CUX1: variants seen among roughly 807,000 people sequenced by gnomAD.
CUX1 encodes the protein cut like homeobox 1, also known as protein CASP.
In CUX1, 31 loss-of-function variants were observed where a neutral mutation model predicts 158.8. The ratio of observed to expected loss-of-function variants is 0.20; its 90% confidence interval spans 0.15 to 0.26. CUX1 has a LOEUF of 0.26. Ranked by LOEUF, CUX1 falls within the 10% of genes least tolerant of loss-of-function variation. The pLI, the probability that CUX1 is intolerant of heterozygous loss-of-function variation, is 1.00. For synonymous variants in CUX1, 879 were observed against 862.1 expected (o/e 1.02, Z -0.34); for missense variants, 1,589 against 2,014.6 (o/e 0.79, Z 4.04).
chr7:102,260,570 C>CTT (rs55642237), downstream of CUX1, among the ~76,000 whole-genome samples: 48 of 51,064 alleles, frequency 9.4e-4, 2 homozygotes, highest in East Asian at 1.7e-3. Flanking sequence ...CCACACCTGG[C>CTT]TTTTTTTTTT....
intron 2 of CUX1, among the ~76,000 whole-genome samples, chr7:101,974,491 C>T (rs1326457849): frequency 1.3e-5 from 2 of 152,206 alleles, no homozygotes; most frequent in African/African-American, 4.8e-5. Flanking sequence ...ACAGGAAATT[C>T]TAACTAGTAG....
Position 102,108,736 on chromosome 7 carries a change from TTGTGTGTGTG to T in CUX1, c.531-2936_531-2927del, listed in dbSNP as rs10527026. Among the ~76,000 whole-genome samples, 34 of 145,062 alleles carry T rather than the reference TTGTGTGTGTG, an allele frequency of 2.3e-4. No individual in the cohort carries two copies. The South Asian group carries it at 2.6e-3, about 11-fold the overall frequency. Reference sequence around the variant, plus strand: ...GAAGCTAGAATTTACTTCATTCATTTTGTGTGTGTGTGTGTGTGTGTGTGTGTGTGTGTGT... The same window carrying T: ...GAAGCTAGAATTTACTTCATTCATTTTGTGTGTGTGTGTGTGTGTGTGTGT... On this transcript the variant is annotated intron_variant, in intron 6 of 23. Coordinates refer to ENST00000292535, the MANE Select transcript of CUX1 (RefSeq NM_181552.4).
Position 101,854,297 on chromosome 7 carries a change from C to T in CUX1, c.30+36628C>T, listed in dbSNP as rs142025481. 3.2e-3 allele frequency among the ~76,000 whole-genome samples: 490 copies of T among 152,176 alleles called. 1 individual carries two copies. Among genetic ancestry groups the T allele is most frequent in the African/African-American group, 0.011 (457 of 41,526 alleles). On this transcript the variant is annotated intron_variant, in intron 1 of 23. Coordinates refer to ENST00000292535, the MANE Select transcript of CUX1 (RefSeq NM_181552.4). ...GAGCGCCTTCTAGCCGGGCTGCCAG[C>T]GGGTAACATATGATTAACACAAGTT...
At chr7:102,176,000 A>G (rs1193118573) in intron 10 of CUX1, among the ~76,000 whole-genome samples, 1 of 152,246 alleles carries the variant, frequency 6.6e-6, no homozygotes, top group Non-Finnish European at 1.5e-5. Context: ...CGCTGCACAG[A>G]ACGGGCCTGG....
intron 1 of CUX1, among the ~76,000 whole-genome samples, chr7:101,900,046 G>A (rs546891489): frequency 2.6e-5 from 4 of 152,350 alleles, no homozygotes; most frequent in Non-Finnish European, 5.9e-5. Flanking sequence ...CAGCTATCTT[G>A]TAGAAAGCGC....
intron 2 of CUX1, among the ~76,000 whole-genome samples, chr7:102,025,098 A>G (rs566335854): frequency 1.3e-5 from 2 of 152,126 alleles, no homozygotes; most frequent in South Asian, 2.1e-4. Context: ...CGGTCCTCAG[A>G]TCTCCTCTGA....
At chr7:102,224,254 T>C (rs1169995268) in intron 20 of CUX1, among the ~76,000 whole-genome samples, 1 of 152,150 alleles carries the variant, frequency 6.6e-6, no homozygotes, top group African/African-American at 2.4e-5. Context: ...TCCCCAAGGC[T>C]GGAGTGCCAT....
At chr7:102,119,643 G>A (rs533007236) in intron 8 of CUX1, among the ~76,000 whole-genome samples, 7 of 152,332 alleles carry the variant, frequency 4.6e-5, no homozygotes, top group African/African-American at 1.4e-4. Flanking sequence ...TGTTGTGTAA[G>A]AGGATTGCAA....
intron 1 of CUX1, among the ~76,000 whole-genome samples, chr7:101,842,201 T>G (rs1795249034): frequency 6.6e-6 from 1 of 152,192 alleles, no homozygotes; most frequent in Non-Finnish European, 1.5e-5. Flanking sequence ...TTCTTTTTGG[T>G]GTCTTGCACA....
At chr7:101,920,210 C>T (rs940483753) in intron 2 of CUX1, among the ~76,000 whole-genome samples, 2 of 151,752 alleles carry the variant, frequency 1.3e-5, no homozygotes. Context: ...CAACTTCCAC[C>T]TTCTGTGTTC....
chr7:101,885,286 C>G (rs1037205438), intron 1 of CUX1, among the ~76,000 whole-genome samples: 3 of 152,132 alleles, frequency 2.0e-5, no homozygotes, highest in Non-Finnish European at 4.4e-5. Flanking sequence ...AGATTCCCCC[C>G]TACAATGTTT....
At chr7:102,107,591 C>T (rs1830491316) in intron 6 of CUX1, among the ~76,000 whole-genome samples, 2 of 152,208 alleles carry the variant, frequency 1.3e-5, no homozygotes, top group Admixed American at 6.5e-5. Context: ...CCCGCCCACC[C>T]GGGGCCCTCC....
intron 8 of CUX1, among the ~76,000 whole-genome samples, chr7:102,128,487 C>T (rs1314730684): frequency 1.3e-5 from 2 of 149,948 alleles, no homozygotes; most frequent in South Asian, 2.2e-4. Context: ...ACCTGGATCT[C>T]GGATGCTGTC....
chr7:101,919,518 G>A (rs955080327), intron 2 of CUX1, among the ~76,000 whole-genome samples: 3 of 152,318 alleles, frequency 2.0e-5, no homozygotes, highest in East Asian at 1.9e-4. Flanking sequence ...TGCAGCCCAC[G>A]ATCCCCATGG....
chr7:102,034,915 C>T (rs145170115), intron 3 of CUX1, among the ~76,000 whole-genome samples: 1 of 151,902 alleles, frequency 6.6e-6, no homozygotes, highest in Non-Finnish European at 1.5e-5. Context: ...GCCTGGGCAA[C>T]AGATCAAGAT....
rs117714071 is a variant in CUX1 at position 101,911,704 on chromosome 7, G to T, written c.31-4411G>T. Among the ~76,000 whole-genome samples the T allele has an allele frequency of 3.0e-4, 45 of 152,398 alleles. No homozygotes were observed. In the East Asian group the frequency reaches 8.3e-3, roughly 28 times the overall value. On this transcript the variant is annotated intron_variant, in intron 1 of 23. Transcript: ENST00000292535. ...CTGTGCAAGGGTGGGGCTCCTGTTG[G>T]TGACACCCACTTGCTGAGTCTACAC...
chr7:101,906,371 C>T (rs1802756075), intron 1 of CUX1, among the ~76,000 whole-genome samples: 1 of 151,522 alleles, frequency 6.6e-6, no homozygotes, highest in South Asian at 2.1e-4. Flanking sequence ...GAAGTGGCAT[C>T]AGAACATTTT....
At position 102,248,342 on chromosome 7, in the gene CUX1, C is replaced by A; in HGVS notation, c.3888-70C>A. ...AGGAGCCCCAGAGAGAGGGGTCTGG[C>A]TGGGGTAGCACCAGAGGCCCTTTCC... On this transcript the variant is annotated intron_variant, in intron 23 of 23. Coordinates refer to ENST00000292535, the MANE Select transcript of CUX1 (RefSeq NM_181552.4). This position sits in a 1 kb window ranked among gnomAD's most constrained non-coding sequence, Gnocchi z 5.8. 7.1e-7 allele frequency: 1 copy of A among 1,406,772 alleles called. No individual in the cohort carries two copies. The highest frequency in any genetic ancestry group is 9.6e-7 in the Non-Finnish European group (1 of 1,046,156). The allele number at this position is 1,406,772 out of a possible 1,614,324, so 87.1% of individuals were successfully genotyped here. A position where few individuals can be genotyped will look rare whatever the true frequency, so the allele number is the denominator to read the frequency against.
In CUX1 at chr7:102,097,539, C is replaced by CT. The variant is rs1554484736; in HGVS notation, c.406+46dup. 4.0e-4 allele frequency: 583 copies of CT among 1,474,232 alleles called. 5 individuals are homozygous for CT. In the African/African-American group the frequency reaches 0.011, roughly 27 times the overall value. 91.3% of individuals were successfully genotyped at this position (1,474,232 alleles called of 1,614,324 possible). On this transcript the variant is annotated intron_variant, in intron 5 of 23. Coordinates refer to ENST00000292535, the MANE Select transcript of CUX1 (RefSeq NM_181552.4). ...TGCGTTCTTTGCTTTTTCTTTTCTT[C>CT]TTTTTTTTCTCTTCTTTTTATTTTA...
Sources: allele counts gnomAD v4.1 joint callset (sites outside exome capture counted in the v4.1 genomes callset), GRCh38; gene constraint gnomAD v4.1.1; non-coding constraint Gnocchi (gnomAD v3.1); transcripts MANE v1.5; gene names NCBI Gene and HGNC (gene_info 2026-07-23, HGNC 2026-07-21).